The following DHX15 variants were observed in gnomAD, a reference collection of about 807,000 sequenced individuals.
DHX15 encodes the protein ATP-dependent RNA helicase DHX15.
DHX15 carries 11 observed loss-of-function variants against 94.4 expected under a neutral mutation model. That is an observed-to-expected ratio of 0.12 (90% CI 0.07 to 0.19). The LOEUF (loss-of-function observed/expected upper bound fraction) is 0.19, where lower values mean the gene tolerates loss of function less well. Among genes scored for constraint, DHX15 ranks in the 10% least tolerant of loss-of-function variants. The probability of loss-of-function intolerance (pLI) is 1.00; values close to 1 mark genes in which losing one functional copy is unlikely to be tolerated. For missense variants in DHX15, 304 were observed against 988.5 expected, an observed-to-expected ratio of 0.31 and a Z score of 9.29; for synonymous variants, 338 against 329.9, an observed-to-expected ratio of 1.02 and a Z score of -0.27.
At chr4:24,542,827 TA>T (rs957364592) in intron 7 of DHX15, 112 bp downstream of exon 7, 680 of 766,530 alleles carry the variant, frequency 8.9e-4, no homozygotes, top group South Asian at 1.2e-3. Flanking sequence ...AATTTGCAAA[TA>T]AAAAAAAAGA....
chr4:24,558,800 T>C (rs1434171737), intron 3 of DHX15, among the ~76,000 whole-genome samples: 1 of 152,096 alleles, frequency 6.6e-6, no homozygotes, highest in Non-Finnish European at 1.5e-5. Flanking sequence ...TCTTTTCCAG[T>C]GAAGAAAACG....
At chr4:24,552,138 A>G (rs1404216672) in intron 5 of DHX15, among the ~76,000 whole-genome samples, 1 of 152,232 alleles carries the variant, frequency 6.6e-6, no homozygotes, top group African/African-American at 2.4e-5. Context: ...CACAAAACTT[A>G]TCTGCATTCA....
intron 10 of DHX15, 31 bp downstream of exon 10, chr4:24,540,077 G>C: frequency 6.9e-7 from 1 of 1,441,616 alleles, no homozygotes; most frequent in East Asian, 2.5e-5. Context: ...TTGAAGAGCT[G>C]GGCTTTTTTT....
At chr4:24,541,157 A>G (rs1721299342) in intron 8 of DHX15, among the ~76,000 whole-genome samples, 1 of 152,154 alleles carries the variant, frequency 6.6e-6, no homozygotes, top group Non-Finnish European at 1.5e-5. Context: ...TACTGTCCAT[A>G]AAACTCGCAA....
At chr4:24,538,993 T>TATA (rs904897787) in intron 10 of DHX15, 4 of 152,000 alleles carry the variant, frequency 2.6e-5, no homozygotes, top group Non-Finnish European at 5.9e-5. Context: ...TAAAACAACA[T>TATA]ATAAGAAAGG....
intron 3 of DHX15, among the ~76,000 whole-genome samples, chr4:24,569,030 G>T (rs772754361): frequency 1.3e-5 from 2 of 152,120 alleles, no homozygotes; most frequent in Non-Finnish European, 2.9e-5. Flanking sequence ...CTAATAAAAT[G>T]AGATAAATCA....
At chr4:24,535,286 T>C (rs1026961267) in intron 11 of DHX15, among the ~76,000 whole-genome samples, 7 of 152,254 alleles carry the variant, frequency 4.6e-5, no homozygotes, top group African/African-American at 7.2e-5. Flanking sequence ...AGTATTTTGA[T>C]GTATTTATCA....
At chr4:24,556,681 T>C (rs954757312) in intron 3 of DHX15, among the ~76,000 whole-genome samples, 1 of 152,182 alleles carries the variant, frequency 6.6e-6, no homozygotes, top group African/African-American at 2.4e-5. Context: ...TTATGGAACA[T>C]AATGATCACA....
At chr4:24,540,430 A>G in intron 9 of DHX15, 131 bp from the exon 10 acceptor site, 1 of 728,590 alleles carries the variant, frequency 1.4e-6, no homozygotes, top group Non-Finnish European at 2.2e-6. Context: ...CTGTCATCCA[A>G]TTCAATTATA....
At chr4:24,572,291 C>CGG (rs1010889770) in intron 2 of DHX15, among the ~76,000 whole-genome samples, 2 of 152,104 alleles carry the variant, frequency 1.3e-5, no homozygotes, top group African/African-American at 4.8e-5. Context: ...CGTGCCACCA[C>CGG]GCCTGGCTAA....
chr4:24,574,418 T>A (rs953574082), intron 2 of DHX15, among the ~76,000 whole-genome samples: 5 of 152,048 alleles, frequency 3.3e-5, no homozygotes, highest in African/African-American at 9.7e-5. Flanking sequence ...ATCCTCAGTA[T>A]CCAAGTATCT....
intron 1 of DHX15, among the ~76,000 whole-genome samples, chr4:24,583,613 G>GT (rs1251326434): frequency 6.6e-6 from 1 of 152,110 alleles, no homozygotes; most frequent in East Asian, 1.9e-4. Context: ...TGAAGTGTTT[G>GT]AATGGACCAA....
intron 3 of DHX15, among the ~76,000 whole-genome samples, chr4:24,564,861 A>G (rs888931489): frequency 6.6e-6 from 1 of 152,240 alleles, no homozygotes; most frequent in Admixed American, 6.5e-5. Flanking sequence ...AATGTTCAAT[A>G]CATCAAACAG....
chr4:24,544,467 GA>G (rs1401023577), intron 6 of DHX15, among the ~76,000 whole-genome samples: 1 of 152,174 alleles, frequency 6.6e-6, no homozygotes, highest in Non-Finnish European at 1.5e-5. Flanking sequence ...AAAGGAATAA[GA>G]AACCACATGT....
At chr4:24,546,823 TTAAG>T (rs544962414) in intron 6 of DHX15, among the ~76,000 whole-genome samples, 68 of 152,332 alleles carry the variant, frequency 4.5e-4, no homozygotes, top group Middle Eastern at 6.8e-3. Flanking sequence ...AAAATTTGTA[TTAAG>T]TATTATATTT....
intron 6 of DHX15, among the ~76,000 whole-genome samples, chr4:24,545,879 C>T (rs1184948491): frequency 6.6e-6 from 1 of 152,208 alleles, no homozygotes; most frequent in Non-Finnish European, 1.5e-5. Flanking sequence ...AAAAAGTGTT[C>T]AAACCGCATT....
chr4:24,576,816 T>TA (rs1327496777), intron 1 of DHX15, 138 bp from the exon 2 acceptor site: 8 of 1,294,700 alleles, frequency 6.2e-6, no homozygotes, highest in African/African-American at 4.5e-5. Context: ...TCAGAAATAA[T>TA]AAAAAATACC....
At chr4:24,565,061 C>T (rs1721963716) in intron 3 of DHX15, among the ~76,000 whole-genome samples, 1 of 152,148 alleles carries the variant, frequency 6.6e-6, no homozygotes, top group African/African-American at 2.4e-5. Context: ...AAATATATTG[C>T]CTATTCCTCA....
At chr4:24,579,398 C>T (rs1206448662) in intron 1 of DHX15, among the ~76,000 whole-genome samples, 3 of 152,120 alleles carry the variant, frequency 2.0e-5, no homozygotes, top group Non-Finnish European at 4.4e-5. Context: ...TGTGCACATG[C>T]GTGTTTTCTT....
Sources: gnomAD v4.1 joint callset for allele counts (sites outside exome capture counted in the v4.1 genomes callset) on GRCh38, gnomAD v4.1.1 for gene constraint, MANE v1.5 for transcripts, NCBI Gene and HGNC (gene_info 2026-07-23, HGNC 2026-07-21) for gene names.